SNX29: variants seen among roughly 807,000 people sequenced by gnomAD.
SNX29 encodes sorting nexin 29.
Under a neutral mutation model 102.1 loss-of-function variants are expected in SNX29, and 78 were observed. The ratio of observed to expected loss-of-function variants is 0.76; its 90% CI spans 0.64 to 0.92. SNX29 has a LOEUF of 0.92. SNX29 is among the 40% of genes least tolerant of loss of function. The probability of loss-of-function intolerance (pLI) is 0.00; values close to 1 mark genes in which losing one functional copy is unlikely to be tolerated. For missense variants in SNX29, 1,280 were observed against 1,061.7 expected (o/e 1.21, Z -2.86); for synonymous variants, 580 against 414.5 (o/e 1.40, Z -4.85).
intron 19 of SNX29, among the ~76,000 whole-genome samples, chr16:12,481,433 CATAT>C (rs1018769267): frequency 6.8e-6 from 1 of 146,896 alleles, no homozygotes; most frequent in African/African-American, 2.6e-5. Context: ...CACATATACA[CATAT>C]ATACACACAC....
At chr16:12,564,565 G>A (rs12599785) in intron 20 of SNX29, among the ~76,000 whole-genome samples, 4,299 of 152,220 alleles carry the variant, frequency 0.028, 134 homozygotes, top group East Asian at 0.13. Flanking sequence ...CATTCTTATG[G>A]ATTGCCATCC....
At chr16:12,543,726 G>C (rs1000714013) in intron 20 of SNX29, among the ~76,000 whole-genome samples, 1 of 152,220 alleles carries the variant, frequency 6.6e-6, no homozygotes, top group African/African-American at 2.4e-5. Context: ...AATGAATTTT[G>C]GCATTGCAGT....
intron 4 of SNX29, among the ~76,000 whole-genome samples, chr16:12,028,743 C>G (rs898787553): frequency 1.3e-5 from 2 of 151,158 alleles, no homozygotes; most frequent in Admixed American, 1.3e-4. Flanking sequence ...GTATGGGGTA[C>G]CTGTGATTTT....
At chr16:12,188,686 A>C (rs1350504886) in intron 13 of SNX29, among the ~76,000 whole-genome samples, 1 of 152,178 alleles carries the variant, frequency 6.6e-6, no homozygotes, top group Non-Finnish European at 1.5e-5. Context: ...TTTATAAAAT[A>C]AATAGTGCAA....
At chr16:12,367,636 G>C (rs558799784) in intron 16 of SNX29, among the ~76,000 whole-genome samples, 1 of 152,224 alleles carries the variant, frequency 6.6e-6, no homozygotes, top group Non-Finnish European at 1.5e-5. Context: ...GGGCTGATGC[G>C]ATTTAAGTAT....
chr16:12,537,890 C>T (rs186917562), intron 20 of SNX29, among the ~76,000 whole-genome samples: 7 of 150,850 alleles, frequency 4.6e-5, no homozygotes, highest in East Asian at 2.0e-4. Context: ...GACGCTAAGG[C>T]AGGAGAGTCA....
At chr16:12,029,619 C>G (rs1409890248) in intron 4 of SNX29, 3 of 451,350 alleles carry the variant, frequency 6.6e-6, no homozygotes, top group African/African-American at 4.1e-5. Flanking sequence ...TTAGATGGAG[C>G]CTCACTCTGT....
intron 16 of SNX29, among the ~76,000 whole-genome samples, chr16:12,363,571 T>A (rs1271341904): frequency 6.6e-6 from 1 of 152,220 alleles, no homozygotes; most frequent in Non-Finnish European, 1.5e-5. Context: ...CTGGCCCTCA[T>A]GTCCCATTTC....
chr16:12,031,830 A>G (rs2057354762), intron 4 of SNX29, among the ~76,000 whole-genome samples: 1 of 151,164 alleles, frequency 6.6e-6, no homozygotes. Context: ...AAAACGAACA[A>G]AAAAAAAATT....
At chr16:12,346,279 A>G (rs552709607) in intron 15 of SNX29, among the ~76,000 whole-genome samples, 16 of 152,294 alleles carry the variant, frequency 1.1e-4, no homozygotes, top group African/African-American at 3.8e-4. Context: ...GACCAGTGGT[A>G]CTGGACACTT....
intron 15 of SNX29, among the ~76,000 whole-genome samples, chr16:12,299,464 C>T (rs910243587): frequency 1.3e-5 from 2 of 152,174 alleles, no homozygotes; most frequent in Admixed American, 1.3e-4. Context: ...TTACACTGGA[C>T]ATCAAAGCAA....
intron 19 of SNX29, among the ~76,000 whole-genome samples, chr16:12,518,882 G>A (rs2089982275): frequency 6.6e-6 from 1 of 152,218 alleles, no homozygotes; most frequent in Admixed American, 6.5e-5. Flanking sequence ...GTCTCTGACA[G>A]CCTCAGGGAA....
At chr16:12,329,389 A>C (rs150406392) in intron 15 of SNX29, among the ~76,000 whole-genome samples, 1 of 151,974 alleles carries the variant, frequency 6.6e-6, no homozygotes, top group African/African-American at 2.4e-5. Context: ...TGCTACTAGC[A>C]GCTGTGTCCA....
chr16:12,315,233 G>A (rs1460011120), intron 15 of SNX29, among the ~76,000 whole-genome samples: 1 of 152,172 alleles, frequency 6.6e-6, no homozygotes, highest in Non-Finnish European at 1.5e-5. Context: ...TGAGAGTGAT[G>A]CAGAAAATTA....
Position 12,482,058 on chromosome 16 carries a change from G to T in SNX29, c.2178+4199G>T, listed in dbSNP as rs56136131. Among the ~76,000 whole-genome samples, 1,029 of 152,228 alleles carry T rather than the reference G, an allele frequency of 6.8e-3. 17 individuals are homozygous for T. The highest frequency in any genetic ancestry group is 0.024 in the African/African-American group (991 of 41,542). On this transcript the variant is annotated intron_variant, in intron 19 of 20. Transcript: ENST00000566228. The stretch of plus-strand genomic sequence containing the variant: ...GCCAAGCTTATGCTGGCCTCACTGG[G>T]CCTAATAACTCAGGACACCTGCTTT...
intron 20 of SNX29, 140 bp from the exon 21 acceptor site, chr16:12,568,366 C>G (rs1287642939): frequency 8.8e-7 from 1 of 1,131,492 alleles, no homozygotes; most frequent in African/African-American, 1.6e-5. Flanking sequence ...TCAGGTGGCA[C>G]CAGTTAGAGG....
rs140130468 is a variant in SNX29 at position 11,999,011 on chromosome 16, G to A, written c.8-286G>A. Reference sequence around the variant, plus strand: ...TTTGTGTGTGCTAATGCCACGTAGTGTGTAGAGGCCATGGATGCAGCTAAA... The same window carrying A: ...TTTGTGTGTGCTAATGCCACGTAGTATGTAGAGGCCATGGATGCAGCTAAA... On this transcript the variant is annotated intron_variant, in intron 1 of 20. Coordinates refer to ENST00000566228, the MANE Select transcript of SNX29 (RefSeq NM_032167.5). Among the ~76,000 whole-genome samples, 206 of 152,340 alleles carry A rather than the reference G, an allele frequency of 1.4e-3. 1 individual carries two copies. The highest frequency in any genetic ancestry group is 4.7e-3 in the African/African-American group (196 of 41,594).
At chr16:12,284,533 A>G (rs527458217) in intron 15 of SNX29, among the ~76,000 whole-genome samples, 12 of 152,198 alleles carry the variant, frequency 7.9e-5, no homozygotes, top group Non-Finnish European at 1.5e-4. Flanking sequence ...GGCTGGGTAC[A>G]TGACCTGAGC....
intron 14 of SNX29, among the ~76,000 whole-genome samples, chr16:12,213,550 G>A (rs967280427): frequency 2.0e-5 from 3 of 152,188 alleles, no homozygotes; most frequent in South Asian, 2.1e-4. Context: ...GATGACACAC[G>A]CAAAGTAGCA....
Sources: gnomAD v4.1 joint callset for allele counts (sites outside exome capture counted in the v4.1 genomes callset) on GRCh38, gnomAD v4.1.1 for gene constraint, MANE v1.5 for transcripts, NCBI Gene and HGNC (gene_info 2026-07-23, HGNC 2026-07-21) for gene names.